The following DGKD variants were observed in gnomAD, a reference collection of about 807,000 sequenced individuals.
DGKD encodes diacylglycerol kinase delta, also known as DAG kinase delta.
DGKD carries 68 observed loss-of-function variants against 154.4 expected under a neutral mutation model. The ratio of observed to expected loss-of-function variants is 0.44; its 90% CI spans 0.36 to 0.54. DGKD has a LOEUF of 0.54. Ranked by LOEUF, DGKD falls within the 20% of genes least tolerant of loss-of-function variation. DGKD has a pLI of 0.00. For synonymous variants in DGKD, 693 were observed against 638.0 expected (o/e 1.09, Z -1.30); for missense variants, 1,343 against 1,593.6 (o/e 0.84, Z 2.68).
At chr2:233,394,957 G>A (rs28373304) in intron 3 of DGKD, among the ~76,000 whole-genome samples, 33,501 of 151,794 alleles carry the variant, frequency 0.22, 4,244 homozygotes, top group African/African-American at 0.36. Context: ...CTGTCTTGGT[G>A]TCCTAAAGTG....
chr2:233,450,821 CCCT>C lies in DGKD; in HGVS notation c.2039-96_2039-94del, dbSNP rs1448355959. On this transcript the variant is annotated intron_variant, in intron 16 of 29. Transcript: ENST00000264057. ...GCAACTGCCTGTGGTTTGCAGCCCT[CCCT>C]CCTCAGCCCTCCCACCTGCTCGTGT... 76 of 1,466,064 alleles carry C rather than the reference CCCT, an allele frequency of 5.2e-5. No individual in the cohort carries two copies. The East Asian group carries it at 1.5e-3, about 29-fold the overall frequency. The allele number at this position is 1,466,064 out of a possible 1,614,324, so 90.8% of individuals were successfully genotyped here.
Position 233,449,280 on chromosome 2 carries a change from G to T in DGKD, c.1792G>T (p.Ala598Ser). ...CCGCTTGGTGGCATCAGCTTGCCCG[G>T]CCCGGCCGCAGATATTCCGGCCTCG... ...GDRLVASACP[A>S]RPQIFRPREQ... The change falls in exon 15 of 30, where the codon GCC (alanine) becomes TCC (serine). Residue 598 changes from alanine to serine, a missense_variant. Transcript: ENST00000264057. The surrounding 1 kb of genome is among the most constrained non-coding windows in gnomAD (Gnocchi z 5.3). 6.2e-7 allele frequency: 1 copy of T among 1,613,314 alleles called. No individual in the cohort carries two copies. The highest frequency in any genetic ancestry group is 8.5e-7 in the Non-Finnish European group (1 of 1,179,634).
intron 3 of DGKD, among the ~76,000 whole-genome samples, chr2:233,402,167 T>C (rs1349628502): frequency 6.6e-6 from 1 of 152,166 alleles, no homozygotes; most frequent in Non-Finnish European, 1.5e-5. Flanking sequence ...CAGGGAAGCC[T>C]TCCTGTTTAC....
rs1197845649 is a variant in DGKD, at chr2:233,462,342, C to T, written c.2982-6C>T. 1.3e-6 allele frequency: 2 copies of T among 1,595,006 alleles called. No homozygotes were observed. Among genetic ancestry groups the T allele is most frequent in the Non-Finnish European group, 1.7e-6 (2 of 1,164,884 alleles). On this transcript the variant is annotated splice_polypyrimidine_tract_variant and splice_region_variant and intron_variant, in intron 24 of 29. Transcript: ENST00000264057. ...GACATCTGCCCGTGCTTCTCTTCCT[C>T]TCTAGTATCCGAGAAATAGCTCAGT...
intron 3 of DGKD, among the ~76,000 whole-genome samples, chr2:233,424,823 G>A (rs1208778185): frequency 6.6e-6 from 1 of 152,196 alleles, no homozygotes; most frequent in Non-Finnish European, 1.5e-5. Context: ...CCTTCTTTGT[G>A]CCTCGCCCAT....
intron 1 of DGKD, among the ~76,000 whole-genome samples, chr2:233,363,866 G>GGT (rs1701900613): frequency 6.6e-6 from 1 of 152,206 alleles, no homozygotes; most frequent in South Asian, 2.1e-4. Context: ...ATACAGATGA[G>GGT]GTGTGTGCCA....
In DGKD at chr2:233,441,166, GAGCAGA is replaced by G. The variant is rs61069772; in HGVS notation, c.1086-717_1086-712del. 0.28 allele frequency among the ~76,000 whole-genome samples: 42,157 copies of G among 151,846 alleles called. 6,420 individuals are homozygous for G. Among genetic ancestry groups the G allele is most frequent in the Admixed American group, 0.36 (5,546 of 15,238 alleles). ...GTCACACAGGAAGAGGATGAGGAGTGAGCAGAAGCGGCACTGGTCTCCTGAGTGGGG... is the reference window on the plus strand; with the variant it reads ...GTCACACAGGAAGAGGATGAGGAGTGAGCGGCACTGGTCTCCTGAGTGGGG... On this transcript the variant is annotated intron_variant, in intron 9 of 29. Transcript: ENST00000264057. This position sits in a 1 kb window ranked among gnomAD's most constrained non-coding sequence, Gnocchi z 5.6.
intron 24 of DGKD, 126 bp downstream of exon 24, chr2:233,460,471 G>A: frequency 8.0e-7 from 1 of 1,250,054 alleles, no homozygotes; most frequent in Non-Finnish European, 1.1e-6. Context: ...TTACCCATGA[G>A]GGCCGAGCCT....
chr2:233,358,609 T>C (rs1427935412), intron 1 of DGKD, among the ~76,000 whole-genome samples: 1 of 152,228 alleles, frequency 6.6e-6, no homozygotes, highest in Admixed American at 6.5e-5. Context: ...CTACTTTCTG[T>C]CTCTGTGTTT....
At chr2:233,381,844 G>A (rs1702921287) in intron 1 of DGKD, among the ~76,000 whole-genome samples, 1 of 152,164 alleles carries the variant, frequency 6.6e-6, no homozygotes, top group Admixed American at 6.5e-5. Context: ...TTTCTTATTT[G>A]TTAACTGGAA....
chr2:233,459,866 G>A lies in DGKD; in HGVS notation c.2804G>A (p.Arg935Gln), dbSNP rs1396343507. Residue 935 changes from arginine (R) to glutamine (Q), a missense_variant, in exon 23 of 30, where the codon CGG (arginine) becomes CAG (glutamine). Physicochemically the swap from Arg to Gln is conservative, Grantham distance 43. Coordinates refer to ENST00000264057, the MANE Select transcript of DGKD (RefSeq NM_152879.3). This position sits in a 1 kb window ranked among gnomAD's most constrained non-coding sequence, Gnocchi z 5.7. The part of the protein sequence containing the change: ...PGYIRIVHKN[R>Q]AQTLTRDRAF... ...TACATTCGGATTGTCCACAAGAACCGGGCACAGACACTGACCAGAGACAGG... is the reference window on the plus strand; with the variant it reads ...TACATTCGGATTGTCCACAAGAACCAGGCACAGACACTGACCAGAGACAGG... 2.5e-6 allele frequency: 4 copies of A among 1,613,996 alleles called. No individual in the cohort carries two copies. Among genetic ancestry groups the A allele is most frequent in the Non-Finnish European group, 3.4e-6 (4 of 1,179,936 alleles).
At position 233,457,611 on chromosome 2, in the gene DGKD, C is replaced by T; in HGVS notation, c.2580+283C>T. The T allele has an allele frequency of 1.8e-6, 1 of 558,462 alleles. No homozygotes were observed. The highest frequency in any genetic ancestry group is 3.4e-6 in the Non-Finnish European group (1 of 292,550). 34.6% of individuals were successfully genotyped at this position (558,462 alleles called of 1,614,324 possible). A position where few individuals can be genotyped will look rare whatever the true frequency, so the allele number is the denominator to read the frequency against. ...AGGGTCAGGGAAGGTGTCTGGGAGG[C>T]CAAGACCTGAAGGATGAGTTGGAGT... On this transcript the variant is annotated intron_variant, in intron 21 of 29. Transcript: ENST00000264057. This position sits in a 1 kb window ranked among gnomAD's most constrained non-coding sequence, Gnocchi z 5.5.
intron 3 of DGKD, among the ~76,000 whole-genome samples, chr2:233,422,941 T>A (rs1243277377): frequency 1.3e-5 from 2 of 152,212 alleles, no homozygotes; most frequent in African/African-American, 4.8e-5. Context: ...CTGTAACCCC[T>A]GGCAAACACT....
intron 1 of DGKD, among the ~76,000 whole-genome samples, chr2:233,358,504 A>G (rs1701628665): frequency 6.6e-6 from 1 of 152,202 alleles, no homozygotes; most frequent in African/African-American, 2.4e-5. Context: ...GGTTGTTAGT[A>G]TATTCGCTGT....
At chr2:233,399,054 T>C (rs1359784408) in intron 3 of DGKD, among the ~76,000 whole-genome samples, 2 of 152,194 alleles carry the variant, frequency 1.3e-5, no homozygotes, top group African/African-American at 2.4e-5. Flanking sequence ...CATGTTCTCT[T>C]TTGATGAAGG....
chr2:233,455,833 A>C (rs2063442786), intron 19 of DGKD, among the ~76,000 whole-genome samples: 1 of 152,232 alleles, frequency 6.6e-6, no homozygotes. Context: ...CTAGGAAAAC[A>C]AAAGCATCAG....
At chr2:233,360,830 A>G (rs577469263) in intron 1 of DGKD, among the ~76,000 whole-genome samples, 1 of 152,206 alleles carries the variant, frequency 6.6e-6, no homozygotes, top group Non-Finnish European at 1.5e-5. Flanking sequence ...AGAGCCGGAG[A>G]TTAGAGTTCG....
intron 11 of DGKD, among the ~76,000 whole-genome samples, chr2:233,446,497 C>T (rs547757839): frequency 1.7e-3 from 252 of 152,362 alleles, no homozygotes; most frequent in Non-Finnish European, 2.5e-3. Flanking sequence ...TATGGGAGAC[C>T]TTCCTCTCTT....
intron 3 of DGKD, among the ~76,000 whole-genome samples, chr2:233,411,365 T>C (rs2061826657): frequency 6.6e-6 from 1 of 152,246 alleles, no homozygotes; most frequent in Non-Finnish European, 1.5e-5. Flanking sequence ...GTGTGATCAG[T>C]CTTTTTAATT....
Sources: allele counts gnomAD v4.1 joint callset (sites outside exome capture counted in the v4.1 genomes callset), GRCh38; gene constraint gnomAD v4.1.1; non-coding constraint Gnocchi (gnomAD v3.1); transcripts MANE v1.5; gene names NCBI Gene and HGNC (gene_info 2026-07-23, HGNC 2026-07-21).